LRP1B: variants seen among roughly 807,000 people sequenced by gnomAD.
LRP1B encodes LDL receptor related protein 1B.
A neutral mutation model predicts 556.6 loss-of-function variants in LRP1B; 217 were observed. The observed-to-expected ratio is 0.39, with a 90% CI of 0.35 to 0.44. The LOEUF (loss-of-function observed/expected upper bound fraction) is 0.44. Among genes scored for constraint, LRP1B ranks in the 20% least tolerant of loss-of-function variants. The pLI is 1.00. For synonymous variants in LRP1B, 2,047 were observed against 1,865.8 expected (o/e 1.10, Z -2.50); for missense variants, 5,053 against 5,620.8 (o/e 0.90, Z 3.23).
intron 49 of LRP1B, among the ~76,000 whole-genome samples, chr2:140,522,610 G>C (rs1404160167): frequency 6.6e-6 from 1 of 151,618 alleles, no homozygotes; most frequent in Non-Finnish European, 1.5e-5. Context: ...ACTATACAAG[G>C]ATCAATGAAA....
At chr2:141,678,023 G>C (rs780226625) in intron 2 of LRP1B, among the ~76,000 whole-genome samples, 2 of 152,154 alleles carry the variant, frequency 1.3e-5, no homozygotes, top group Non-Finnish European at 2.9e-5. Context: ...CACTGGATGA[G>C]AGAAGATGGT....
intron 1 of LRP1B, among the ~76,000 whole-genome samples, chr2:141,831,594 G>A (rs971550508): frequency 6.6e-6 from 1 of 151,526 alleles, no homozygotes; most frequent in African/African-American, 2.4e-5. Flanking sequence ...TTAAGTTTTG[G>A]AATAAAGAAG....
chr2:141,983,862 A>G (rs35182737), intron 1 of LRP1B, among the ~76,000 whole-genome samples: 2 of 152,190 alleles, frequency 1.3e-5, no homozygotes. Flanking sequence ...GGAGTTCGAC[A>G]CCGGCCTGGC....
intron 18 of LRP1B, among the ~76,000 whole-genome samples, chr2:140,966,851 G>A (rs896936837): frequency 2.2e-4 from 33 of 152,162 alleles, no homozygotes; most frequent in Admixed American, 8.5e-4. Context: ...TCAGATGGTT[G>A]TAGATGTGTG....
At position 141,693,023 on chromosome 2, in the gene LRP1B, A is replaced by G. The variant is rs116714746; in HGVS notation, c.205+117256T>C. Among the ~76,000 whole-genome samples, 2 of 152,174 alleles carry G rather than the reference A, an allele frequency of 1.3e-5. 1 individual carries two copies. The highest frequency in any genetic ancestry group is 4.8e-5 in the African/African-American group (2 of 41,562). Reference sequence around the variant, plus strand: ...TTATCAAGAATTTCAAGAGGGTGCTAGAAGAGCACTTAACCAAGTAAAGAG... The same window carrying G: ...TTATCAAGAATTTCAAGAGGGTGCTGGAAGAGCACTTAACCAAGTAAAGAG... On this transcript the variant is annotated intron_variant, in intron 2 of 90. Transcript: ENST00000389484.
At chr2:141,057,850 G>A (rs1056989541) in intron 9 of LRP1B, among the ~76,000 whole-genome samples, 1 of 151,814 alleles carries the variant, frequency 6.6e-6, no homozygotes, top group African/African-American at 2.4e-5. Context: ...ATTATTCAAT[G>A]TCATCTTTTC....
intron 1 of LRP1B, among the ~76,000 whole-genome samples, chr2:142,086,644 A>AAAG (rs747968319): frequency 6.8e-6 from 1 of 147,382 alleles, no homozygotes; most frequent in Admixed American, 6.7e-5. Flanking sequence ...AACAAACAAA[A>AAAG]AAAAAACACA....
chr2:140,475,748 G>A (rs1270254549), intron 59 of LRP1B, among the ~76,000 whole-genome samples: 2 of 151,574 alleles, frequency 1.3e-5, no homozygotes, highest in East Asian at 3.9e-4. Context: ...TTATGGAGGT[G>A]CACATTTTAT....
chr2:141,318,220 G>T (rs1687101260), intron 3 of LRP1B, among the ~76,000 whole-genome samples: 1 of 152,064 alleles, frequency 6.6e-6, no homozygotes, highest in Non-Finnish European at 1.5e-5. Flanking sequence ...CTAACACAAA[G>T]ATTTGTAACT....
At chr2:141,267,724 C>A (rs185013608) in intron 3 of LRP1B, among the ~76,000 whole-genome samples, 1 of 152,142 alleles carries the variant, frequency 6.6e-6, no homozygotes, top group African/African-American at 2.4e-5. Flanking sequence ...ACTGTGTATA[C>A]CCAATAAGGG....
Position 141,644,317 on chromosome 2 carries a change from TG to T in LRP1B, c.206-163785del, listed in dbSNP as rs543333153. ...AGTGAATAAGTCCCATGAAGTCTGA[TG>T]GCTTTAAAAATAGGAGTTTCCTCGC... On this transcript the variant is annotated intron_variant, in intron 2 of 90. Coordinates refer to ENST00000389484, the MANE Select transcript of LRP1B (RefSeq NM_018557.3). Among the ~76,000 whole-genome samples, 531 of 152,120 alleles carry T rather than the reference TG, an allele frequency of 3.5e-3. 3 individuals carry two copies. Among genetic ancestry groups the T allele is most frequent in the Non-Finnish European group, 6.1e-3 (415 of 67,986 alleles).
At chr2:140,323,809 TAAGATATTTAA>T (rs1558801172) in intron 81 of LRP1B, 73 bp downstream of exon 81, 2 of 691,296 alleles carry the variant, frequency 2.9e-6, no homozygotes, top group East Asian at 2.9e-5. Flanking sequence ...TTTACATAGT[TAAGATATTTAA>T]AAATATATTA....
chr2:140,240,066 TG>T (rs1680881344), intron 87 of LRP1B, among the ~76,000 whole-genome samples: 1 of 150,832 alleles, frequency 6.6e-6, no homozygotes, highest in Admixed American at 6.6e-5. Flanking sequence ...ACAACTTACT[TG>T]AAGTGAGACC....
chr2:142,073,306 G>C (rs1036082571), intron 1 of LRP1B, among the ~76,000 whole-genome samples: 1 of 151,880 alleles, frequency 6.6e-6, no homozygotes, highest in African/African-American at 2.4e-5. Flanking sequence ...CTGGTAACAA[G>C]TCTTAAAAAC....
chr2:140,420,448 C>T (rs923361684), intron 66 of LRP1B, among the ~76,000 whole-genome samples: 2 of 152,130 alleles, frequency 1.3e-5, no homozygotes, highest in African/African-American at 4.8e-5. Context: ...AATTGCACAT[C>T]CACTTTAGAA....
rs531460981 is a variant in LRP1B, at chr2:140,973,727, T to C, written c.2887+8433A>G. Among the ~76,000 whole-genome samples, 3 of 152,122 alleles carry C rather than the reference T, an allele frequency of 2.0e-5. No individual in the cohort carries two copies. In the South Asian group the frequency reaches 6.2e-4, roughly 32 times the overall value. On this transcript the variant is annotated intron_variant, in intron 18 of 90. Transcript: ENST00000389484. ...TAAAAAATACCAAATTTCTACCACA[T>C]GAACTTTTTACATTTTAAAACTTGT...
intron 2 of LRP1B, among the ~76,000 whole-genome samples, chr2:141,733,378 C>G (rs1693351426): frequency 6.6e-6 from 1 of 152,204 alleles, no homozygotes; most frequent in Admixed American, 6.6e-5. Flanking sequence ...CATCACAAAA[C>G]TATCACTCTG....
chr2:140,679,721 C>G (rs917638652), intron 41 of LRP1B, among the ~76,000 whole-genome samples: 25 of 152,114 alleles, frequency 1.6e-4, no homozygotes, highest in African/African-American at 6.0e-4. Flanking sequence ...CATTGAAGAA[C>G]TGGAGAAACT....
chr2:140,647,283 CAATA>C lies in LRP1B; in HGVS notation c.6800-45648_6800-45645del, dbSNP rs1032740999. Among the ~76,000 whole-genome samples, 111 of 152,268 alleles carry C rather than the reference CAATA, an allele frequency of 7.3e-4. 1 individual carries two copies. Among genetic ancestry groups the C allele is most frequent in the African/African-American group, 2.5e-3 (102 of 41,552 alleles). On this transcript the variant is annotated intron_variant, in intron 41 of 90. Coordinates refer to ENST00000389484, the MANE Select transcript of LRP1B (RefSeq NM_018557.3). ...CCCACATATATACACAGGAGTTCTG[CAATA>C]AATAGTCTTTCCAACCCTTTATGCT...
Sources: gnomAD v4.1 joint callset for allele counts (sites outside exome capture counted in the v4.1 genomes callset) on GRCh38, gnomAD v4.1.1 for gene constraint, MANE v1.5 for transcripts, NCBI Gene and HGNC (gene_info 2026-07-23, HGNC 2026-07-21) for gene names.